RERE: variants seen among roughly 807,000 people sequenced by gnomAD.
RERE encodes arginine-glutamic acid dipeptide repeats.
A neutral mutation model predicts 146.1 loss-of-function variants in RERE; 40 were observed. The ratio of observed to expected loss-of-function variants is 0.27; its 90% CI spans 0.21 to 0.36. RERE has a LOEUF of 0.36. RERE is among the 10% of genes least tolerant of loss of function. The probability of loss-of-function intolerance (pLI) is 1.00; values close to 1 mark genes in which losing one functional copy is unlikely to be tolerated. For synonymous variants in RERE, 1,003 were observed against 866.0 expected, an observed-to-expected ratio of 1.16 and a Z score of -2.78; for missense variants, 1,933 against 2,138.7, an observed-to-expected ratio of 0.90 and a Z score of 1.90.
intron 11 of RERE, among the ~76,000 whole-genome samples, chr1:8,460,998 C>T (rs747294026): frequency 2.0e-5 from 3 of 152,146 alleles, no homozygotes; most frequent in Admixed American, 1.3e-4. Flanking sequence ...CAAGCGGCAA[C>T]GGAATCCCAG....
chr1:8,592,638 T>G (rs947014400), intron 4 of RERE, among the ~76,000 whole-genome samples: 10 of 151,966 alleles, frequency 6.6e-5, no homozygotes, highest in Non-Finnish European at 7.4e-5. Flanking sequence ...TTCCAGCACT[T>G]TGGGAGGCCT....
chr1:8,731,364 C>A (rs754368471), intron 1 of RERE, among the ~76,000 whole-genome samples: 1 of 152,126 alleles, frequency 6.6e-6, no homozygotes, highest in Non-Finnish European at 1.5e-5. Context: ...CAAAGGCCCA[C>A]CTGCTAAGAA....
chr1:8,406,421 T>C (rs971836705), intron 12 of RERE, among the ~76,000 whole-genome samples: 11 of 152,074 alleles, frequency 7.2e-5, no homozygotes, highest in Admixed American at 2.6e-4. Context: ...TTTTACTTTT[T>C]AAGGTGCATT....
intron 1 of RERE, among the ~76,000 whole-genome samples, chr1:8,711,912 G>A (rs906366550): frequency 4.6e-5 from 7 of 151,996 alleles, no homozygotes; most frequent in African/African-American, 1.2e-4. Context: ...GTATTATGCC[G>A]CCAATAAATG....
At chr1:8,474,446 T>C (rs1644728020) in intron 10 of RERE, among the ~76,000 whole-genome samples, 1 of 152,248 alleles carries the variant, frequency 6.6e-6, no homozygotes, top group South Asian at 2.1e-4. Flanking sequence ...ACCTCATTAA[T>C]ATTACAGCAG....
At chr1:8,553,196 CCA>C (rs1645959389) in intron 6 of RERE, among the ~76,000 whole-genome samples, 1 of 151,948 alleles carries the variant, frequency 6.6e-6, no homozygotes, top group Non-Finnish European at 1.5e-5. Flanking sequence ...GCCAGTGCGT[CCA>C]CACACACGTG....
chr1:8,543,429 T>C (rs1645822625), intron 6 of RERE, among the ~76,000 whole-genome samples: 1 of 152,216 alleles, frequency 6.6e-6, no homozygotes, highest in Admixed American at 6.5e-5. Flanking sequence ...CACAATGCTA[T>C]GTAAAGTAAG....
At chr1:8,598,281 G>C (rs1570487543) in intron 4 of RERE, among the ~76,000 whole-genome samples, 2 of 152,296 alleles carry the variant, frequency 1.3e-5, no homozygotes, top group East Asian at 3.9e-4. Flanking sequence ...GAATCTGGTA[G>C]GGGAAACAGG....
intron 1 of RERE, among the ~76,000 whole-genome samples, chr1:8,788,631 G>A (rs897792322): frequency 1.3e-5 from 2 of 151,310 alleles, no homozygotes; most frequent in Non-Finnish European, 2.9e-5. Flanking sequence ...CCAAAGTGCT[G>A]GGATTACAGG....
At chr1:8,429,529 T>A (rs1224293014) in intron 11 of RERE, among the ~76,000 whole-genome samples, 3 of 152,184 alleles carry the variant, frequency 2.0e-5, no homozygotes, top group Non-Finnish European at 4.4e-5. Flanking sequence ...CTGACCCCTA[T>A]CTGCAGTAGC....
chr1:8,545,130 T>C (rs1048120554), intron 6 of RERE, among the ~76,000 whole-genome samples: 5 of 152,118 alleles, frequency 3.3e-5, no homozygotes, highest in East Asian at 1.9e-4. Context: ...TAAGAGAAAA[T>C]TGCCATCACA....
chr1:8,777,752 G>A (rs1219350860), intron 1 of RERE, among the ~76,000 whole-genome samples: 1 of 151,554 alleles, frequency 6.6e-6, no homozygotes, highest in Non-Finnish European at 1.5e-5. Flanking sequence ...AGCCAGGATG[G>A]TCTCGATCTC....
intron 11 of RERE, among the ~76,000 whole-genome samples, chr1:8,430,661 G>T (rs1644083879): frequency 6.6e-6 from 1 of 152,192 alleles, no homozygotes; most frequent in Non-Finnish European, 1.5e-5. Flanking sequence ...TGAACCCAGA[G>T]AACTGACTGA....
At chr1:8,361,688 A>T in intron 17 of RERE, 75 bp downstream of exon 17, 1 of 1,411,856 alleles carries the variant, frequency 7.1e-7, no homozygotes, top group Non-Finnish European at 9.9e-7. Flanking sequence ...ACGGCCACCA[A>T]CTAGGGAGAA....
Position 8,684,429 on chromosome 1 carries a change from G to A in RERE, c.-144-27988C>T, listed in dbSNP as rs190576112. Among the ~76,000 whole-genome samples, 37 of 151,630 alleles carry A rather than the reference G, an allele frequency of 2.4e-4. 1 individual carries two copies. The highest frequency in any genetic ancestry group is 8.5e-4 in the African/African-American group (35 of 41,336). On this transcript the variant is annotated intron_variant, in intron 1 of 22. Coordinates refer to ENST00000400908, the MANE Select transcript of RERE (RefSeq NM_001042681.2). ...ATCCTGGGCATAAACAAAAAACCCC[G>A]CCCTCCTCTCATATGATGGAATCAA...
At chr1:8,492,199 A>G (rs1238245688) in intron 10 of RERE, among the ~76,000 whole-genome samples, 2 of 152,348 alleles carry the variant, frequency 1.3e-5, no homozygotes, top group East Asian at 3.9e-4. Context: ...TTGTACAACA[A>G]AAAAATCTCT....
At chr1:8,555,377 C>G (rs1055734962) in intron 6 of RERE, among the ~76,000 whole-genome samples, 9 of 152,178 alleles carry the variant, frequency 5.9e-5, no homozygotes, top group Non-Finnish European at 1.0e-4. Context: ...GCAACAGATA[C>G]CATGTGAAAC....
chr1:8,585,146 C>CAA (rs3082123), intron 4 of RERE, among the ~76,000 whole-genome samples: 79,430 of 129,618 alleles, frequency 0.61, 23,897 homozygotes, highest in East Asian at 0.82. Flanking sequence ...GACTCCATCT[C>CAA]AAAAAAAAAA....
chr1:8,779,663 A>T (rs770827774), intron 1 of RERE, among the ~76,000 whole-genome samples: 1 of 150,788 alleles, frequency 6.6e-6, no homozygotes, highest in African/African-American at 2.4e-5. Context: ...ACTGTCTCCA[A>T]AAAAAAAAGA....
Sources: allele counts gnomAD v4.1 joint callset (sites outside exome capture counted in the v4.1 genomes callset), GRCh38; gene constraint gnomAD v4.1.1; transcripts MANE v1.5; gene names NCBI Gene and HGNC (gene_info 2026-07-23, HGNC 2026-07-21).